Variants in SAP18 observed in about 807,000 individuals in gnomAD.
The protein encoded by SAP18 is histone deacetylase complex subunit SAP18.
Under a neutral mutation model 18.6 loss-of-function variants are expected in SAP18, and 4 were observed. The ratio of observed to expected loss-of-function variants is 0.21; its 90% CI spans 0.11 to 0.49. The LOEUF (loss-of-function observed/expected upper bound fraction) is 0.49, where lower values mean the gene tolerates loss of function less well. SAP18 is among the 20% of genes least tolerant of loss of function. The pLI is 0.98. For missense variants in SAP18, 170 were observed against 226.4 expected (o/e 0.75, Z 1.60); for synonymous variants, 112 against 82.8 (o/e 1.35, Z -1.92).
chr13:21,146,734 T>C (rs898229355), intron 2 of SAP18, 71 bp from the exon 3 acceptor site: 1 of 1,227,330 alleles, frequency 8.1e-7, no homozygotes, highest in Admixed American at 2.6e-5. Flanking sequence ...ATTAACTCAT[T>C]GTTAGTATCC....
intron 2 of SAP18, among the ~76,000 whole-genome samples, chr13:21,144,405 CAAAAAAAAAAAA>C (rs36115551): frequency 1.5e-4 from 10 of 64,636 alleles, no homozygotes; most frequent in East Asian, 9.9e-4. Flanking sequence ...GACTCCATCT[CAAAAAAAAAAAA>C]AAAAAAAAAA....
Position 21,147,292 on chromosome 13 carries a change from AC to A in SAP18, c.473del (p.Pro158LeufsTer12). On this transcript the variant is annotated frameshift_variant, in exon 4 of 4. Transcript: ENST00000621421. LOFTEE classifies it high-confidence loss of function. Reference sequence around the variant, plus strand: ...AGGAGATTACTTGGACATAGCAATTACCCCTCCAAATCGGGCACCACCTCCT... The same window carrying A: ...AGGAGATTACTTGGACATAGCAATTACCCTCCAAATCGGGCACCACCTCCT... The A allele has an allele frequency of 6.2e-7, 1 of 1,613,976 alleles. No individual in the cohort carries two copies. Among genetic ancestry groups the A allele is most frequent in the Non-Finnish European group, 8.5e-7 (1 of 1,179,948 alleles).
At chr13:21,142,176 A>G (rs1299785929) in intron 2 of SAP18, among the ~76,000 whole-genome samples, 2 of 148,660 alleles carry the variant, frequency 1.3e-5, no homozygotes, top group African/African-American at 4.9e-5. Context: ...AATCCCAGCT[A>G]ATTGGGAGAC....
chr13:21,140,407 A>G (rs1595287546), upstream of SAP18: 4 of 848,322 alleles, frequency 4.7e-6, no homozygotes, highest in African/African-American at 5.1e-5. Context: ...GGACGTCAGC[A>G]CCCGCCTTTT....
At chr13:21,140,833 G>A (rs750446218) in intron 1 of SAP18, 53 bp from the exon 2 acceptor site, 14 of 1,565,916 alleles carry the variant, frequency 8.9e-6, no homozygotes, top group Non-Finnish European at 1.1e-5. Context: ...ATGAGCTCCG[G>A]GTTCGCAGCT....
chr13:21,147,716 T>C (rs1268425704), exon 4 of SAP18: 1 of 169,414 alleles, frequency 5.9e-6, no homozygotes, highest in Non-Finnish European at 1.3e-5. Flanking sequence ...TTGTATGAAA[T>C]CAAACATGAG....
At chr13:21,142,161 A>AT (rs1869491381) in intron 2 of SAP18, among the ~76,000 whole-genome samples, 1 of 148,640 alleles carries the variant, frequency 6.7e-6, no homozygotes, top group African/African-American at 2.5e-5. Context: ...GTGGCGCAGA[A>AT]TTGTAATCCC....
exon 1 of SAP18, chr13:21,140,594 A>G (rs1338872998): frequency 1.1e-5 from 17 of 1,610,078 alleles, no homozygotes; most frequent in Non-Finnish European, 1.3e-5. Flanking sequence ...AGCGTCTCGC[A>G]GGCCGTAGGA....
At chr13:21,140,584 A>T (rs745523301) in exon 1 of SAP18, 1 of 1,607,490 alleles carries the variant, frequency 6.2e-7, no homozygotes, top group African/African-American at 1.3e-5. Context: ...GGTCAGGGCG[A>T]GCGTCTCGCA....
intron 2 of SAP18, among the ~76,000 whole-genome samples, chr13:21,142,932 A>G (rs184226425): frequency 2.6e-3 from 399 of 152,214 alleles, no homozygotes; most frequent in African/African-American, 9.0e-3. Flanking sequence ...GGTAGCCTCT[A>G]ATGTATTATC....
intron 2 of SAP18, among the ~76,000 whole-genome samples, chr13:21,142,483 C>T (rs1410843608): frequency 4.0e-5 from 6 of 151,576 alleles, no homozygotes; most frequent in Non-Finnish European, 8.8e-5. Context: ...CCCGCCACCA[C>T]GCCTGGCTAA....
At chr13:21,142,928 C>T (rs1869520312) in intron 2 of SAP18, among the ~76,000 whole-genome samples, 2 of 152,160 alleles carry the variant, frequency 1.3e-5, no homozygotes. Context: ...CCCTGGTAGC[C>T]TCTAATGTAT....
chr13:21,144,567 G>A (rs1054687487), intron 2 of SAP18, among the ~76,000 whole-genome samples: 1 of 152,104 alleles, frequency 6.6e-6, no homozygotes, highest in South Asian at 2.1e-4. Context: ...GGCCTCCCCA[G>A]ATTATATAGG....
exon 4 of SAP18, chr13:21,147,662 G>A: frequency 4.6e-6 from 1 of 219,508 alleles, no homozygotes; most frequent in East Asian, 1.2e-4. Flanking sequence ...TAGTGGAGGA[G>A]CGTATGGTTA....
intron 2 of SAP18, among the ~76,000 whole-genome samples, chr13:21,145,658 GT>G (rs1869625046): frequency 6.6e-6 from 1 of 152,134 alleles, no homozygotes; most frequent in Non-Finnish European, 1.5e-5. Context: ...GGCTACAGAT[GT>G]GTGCCACAAC....
At chr13:21,148,090 T>C (rs1869712979) in exon 4 of SAP18, 1 of 152,144 alleles carries the variant, frequency 6.6e-6, no homozygotes, top group Non-Finnish European at 1.5e-5. Context: ...GTTGAATGAG[T>C]AGGAGGTGTT....
intron 2 of SAP18, among the ~76,000 whole-genome samples, chr13:21,145,759 T>C (rs371851995): frequency 6.6e-6 from 1 of 152,204 alleles, no homozygotes; most frequent in Non-Finnish European, 1.5e-5. Flanking sequence ...CCTCAGGTGA[T>C]CCACCCGCCT....
Position 21,140,877 on chromosome 13 carries a change from C to T in SAP18, c.130-9C>T. On this transcript the variant is annotated splice_polypyrimidine_tract_variant and intron_variant, in intron 1 of 3. Coordinates refer to ENST00000621421, the Ensembl canonical transcript of SAP18. ...TAACTTCTGCCCTTCCGTTTTCTCT[C>T]TCCCTCAGACATGCCCACTGTTGCT... The T allele has an allele frequency of 1.2e-6, 2 of 1,610,872 alleles. No individual in the cohort carries two copies. The highest frequency in any genetic ancestry group is 8.5e-7 in the Non-Finnish European group (1 of 1,177,160).
chr13:21,145,903 A>G (rs188753409), intron 2 of SAP18, among the ~76,000 whole-genome samples: 3 of 152,360 alleles, frequency 2.0e-5, no homozygotes, highest in East Asian at 3.9e-4. Context: ...TCAGGGGACT[A>G]TATGAAAGTT....
Sources: gnomAD v4.1 joint callset for allele counts (sites outside exome capture counted in the v4.1 genomes callset) on GRCh38, gnomAD v4.1.1 for gene constraint, MANE v1.5 for transcripts, NCBI Gene and HGNC (gene_info 2026-07-23, HGNC 2026-07-21) for gene names.